HAS3: variants seen among roughly 807,000 people sequenced by gnomAD.
HAS3 encodes hyaluronan synthase 3.
A neutral mutation model predicts 50.3 loss-of-function variants in HAS3; 27 were observed. The observed-to-expected ratio is 0.54, with a 90% CI of 0.40 to 0.74. The LOEUF (loss-of-function observed/expected upper bound fraction) is 0.74, where lower values mean the gene tolerates loss of function less well. Ranked by LOEUF, HAS3 falls within the 30% of genes least tolerant of loss-of-function variation. The probability of loss-of-function intolerance (pLI) is 0.00; values close to 1 mark genes in which losing one functional copy is unlikely to be tolerated. For missense variants in HAS3, 517 were observed against 742.8 expected (o/e 0.70, Z 3.53); for synonymous variants, 339 against 310.9 (o/e 1.09, Z -0.95).
chr16:69,115,905 G>A lies in HAS3; in HGVS notation c.*639G>A. ...ACCAGCAGGGAGTTAGCACTGAACT[G>A]CTTTTAAAAGTGCACATTAAAAAGG... On this transcript the variant is annotated 3_prime_UTR_variant, in exon 4 of 4. Transcript: ENST00000569188. 1.0e-6 allele frequency: 1 copy of A among 985,836 alleles called. No homozygotes were observed. Among genetic ancestry groups the A allele is most frequent in the Non-Finnish European group, 1.2e-6 (1 of 829,958 alleles). 61.1% of individuals were successfully genotyped at this position (985,836 alleles called of 1,614,324 possible).
upstream of HAS3, among the ~76,000 whole-genome samples, chr16:69,104,701 C>T (rs568007599): frequency 6.6e-6 from 1 of 152,220 alleles, no homozygotes; most frequent in Admixed American, 6.5e-5. Context: ...TCTTCAGCCT[C>T]CCAAAGTGCT....
At chr16:69,087,906 G>A in the HAS3 span, among the ~76,000 whole-genome samples, 2 of 149,182 alleles carry the variant, frequency 1.3e-5, no homozygotes, top group African/African-American at 5.0e-5. Flanking sequence ...GTTTCGCCAT[G>A]TTAGCCAGGC....
At chr16:69,088,401 A>G in the HAS3 span, among the ~76,000 whole-genome samples, 2 of 151,994 alleles carry the variant, frequency 1.3e-5, no homozygotes, top group African/African-American at 4.8e-5. Context: ...CTCTACTAAA[A>G]ATACAAAAAT....
chr16:69,118,372 G>A, downstream of HAS3: 1 of 1,609,264 alleles, frequency 6.2e-7, no homozygotes. Context: ...GGAAAGGTAT[G>A]GCAGTAGAGG....
At chr16:69,095,159 A>AT in the HAS3 span, among the ~76,000 whole-genome samples, 1 of 151,188 alleles carries the variant, frequency 6.6e-6, no homozygotes, top group East Asian at 1.9e-4. Flanking sequence ...TTTTTTTTGT[A>AT]TTTTTAGTAG....
chr16:69,118,209 G>A (rs1303859960), downstream of HAS3: 2 of 570,678 alleles, frequency 3.5e-6, no homozygotes, highest in Non-Finnish European at 6.5e-6. Flanking sequence ...CCAGTGAAGA[G>A]GGAGTTGGAT....
At chr16:69,084,605 C>G in the HAS3 span, 1 of 152,384 alleles carries the variant, frequency 6.6e-6, no homozygotes, top group Non-Finnish European at 1.5e-5. Context: ...ATGTTTTGGC[C>G]GCTGCATTTT....
the HAS3 span, among the ~76,000 whole-genome samples, chr16:69,089,377 A>C: frequency 0.07 from 10,672 of 152,278 alleles, 487 homozygotes; most frequent in Non-Finnish European, 0.11. Context: ...GAGAGTCAGA[A>C]ACCGGAGCTG....
At chr16:69,095,963 C>T in the HAS3 span, among the ~76,000 whole-genome samples, 8 of 151,820 alleles carry the variant, frequency 5.3e-5, no homozygotes, top group African/African-American at 1.2e-4. Flanking sequence ...CGCCTGTAAT[C>T]CCAGCACTTT....
chr16:69,094,942 G>A, the HAS3 span, among the ~76,000 whole-genome samples: 1 of 141,506 alleles, frequency 7.1e-6, no homozygotes, highest in African/African-American at 2.6e-5. Context: ...CTTTTATTTT[G>A]TTCCTTCTGG....
Position 69,114,755 on chromosome 16 carries a change from T to C in HAS3, c.1151T>C (p.Val384Ala). ...CACCTCTGGATGACCTACGAGTCAG[T>C]GGTCACGGGTTTCTTCCCCTTCTTC... ...KHHLWMTYES[V>A]VTGFFPFFLI... The change falls in exon 4 of 4, where the codon GTG becomes GCG. Residue 384 changes from valine (V) to alanine (A), a missense_variant. By Grantham distance (64) the Val-to-Ala change is moderately conservative. Coordinates refer to ENST00000569188, the MANE Select transcript of HAS3 (RefSeq NM_001199280.2). The surrounding 1 kb of genome is among the most constrained non-coding windows in gnomAD (Gnocchi z 6.4). The C allele has an allele frequency of 3.1e-6, 5 of 1,614,148 alleles. No individual in the cohort carries two copies. The highest frequency in any genetic ancestry group is 4.2e-6 in the Non-Finnish European group (5 of 1,180,012).
chr16:69,107,929 G>A lies in HAS3; in HGVS notation c.1-1467G>A, dbSNP rs982365318. On this transcript the variant is annotated intron_variant, in intron 1 of 3. Transcript: ENST00000569188. The surrounding 1 kb of genome is among the most constrained non-coding windows in gnomAD (Gnocchi z 5.5). The stretch of plus-strand genomic sequence containing the variant: ...CCAACGCTGCTGGAAGGCTGCTAGT[G>A]CCGGAGTCTCAGGTCGATTTAGGCA... Among the ~76,000 whole-genome samples the A allele has an allele frequency of 6.6e-6, 1 of 152,258 alleles. No individual in the cohort carries two copies. The highest frequency in any genetic ancestry group is 2.4e-5 in the African/African-American group (1 of 41,472).
chr16:69,106,403 C>T lies in HAS3; in HGVS notation c.-1+616C>T, dbSNP rs1191272109. The T allele has an allele frequency of 1.4e-5, 2 of 148,020 alleles. No homozygotes were observed. Among genetic ancestry groups the T allele is most frequent in the African/African-American group, 2.4e-5 (1 of 40,982 alleles). 9.2% of individuals were successfully genotyped at this position (148,020 alleles called of 1,614,324 possible). Reference sequence around the variant, plus strand: ...GGCGCGCCGGGTGGCAGGGGTGCCTCTCGCCGAGCCCCCCGCACCCGGCCA... The same window carrying T: ...GGCGCGCCGGGTGGCAGGGGTGCCTTTCGCCGAGCCCCCCGCACCCGGCCA... On this transcript the variant is annotated intron_variant, in intron 1 of 3. Transcript: ENST00000569188. The surrounding 1 kb of genome is among the most constrained non-coding windows in gnomAD (Gnocchi z 5.5).
the HAS3 span, among the ~76,000 whole-genome samples, chr16:69,087,782 A>G: frequency 7.0e-6 from 1 of 143,804 alleles, no homozygotes; most frequent in South Asian, 2.2e-4. Flanking sequence ...GGCTCACTGC[A>G]GCATCCGCCT....
In HAS3 at chr16:69,117,001, C is replaced by G; in HGVS notation, c.*1735C>G. 1.0e-6 allele frequency: 1 copy of G among 985,436 alleles called. No homozygotes were observed. The highest frequency in any genetic ancestry group is 1.2e-6 in the Non-Finnish European group (1 of 829,942). The allele number at this position is 985,436 out of a possible 1,614,324, so 61.0% of individuals were successfully genotyped here. A position where few individuals can be genotyped will look rare whatever the true frequency, so the allele number is the denominator to read the frequency against. ...TGCTTTCCTTCATCTCCCACGAACT[C>G]AAGGGTTTTCCAGGTGTAGCTAACA... On this transcript the variant is annotated 3_prime_UTR_variant, in exon 4 of 4. Transcript: ENST00000569188.
chr16:69,094,089 A>G, the HAS3 span, among the ~76,000 whole-genome samples: 8 of 152,334 alleles, frequency 5.3e-5, 1 homozygote, highest in African/African-American at 1.9e-4. Context: ...AGTGGTTTGC[A>G]GAGTGGGTGT....
chr16:69,110,174 G>C (rs564643059), intron 2 of HAS3, 143 bp downstream of exon 2: 30 of 817,570 alleles, frequency 3.7e-5, no homozygotes, highest in Admixed American at 5.9e-5. Flanking sequence ...CAAGGTGGCC[G>C]GGCGCGGTGG....
the HAS3 span, among the ~76,000 whole-genome samples, chr16:69,095,142 T>C: frequency 6.6e-6 from 1 of 151,994 alleles, no homozygotes; most frequent in Non-Finnish European, 1.5e-5. Context: ...TCACCACACC[T>C]GGCTAATTTT....
At chr16:69,112,966 G>T (rs1383553097) in intron 2 of HAS3, among the ~76,000 whole-genome samples, 1 of 152,222 alleles carries the variant, frequency 6.6e-6, no homozygotes, top group African/African-American at 2.4e-5. Context: ...CTGCAAGTAG[G>T]TAGTCTGGTA....
Sources: allele counts gnomAD v4.1 joint callset (sites outside exome capture counted in the v4.1 genomes callset), GRCh38; gene constraint gnomAD v4.1.1; non-coding constraint Gnocchi (gnomAD v3.1); transcripts MANE v1.5; gene names NCBI Gene and HGNC (gene_info 2026-07-23, HGNC 2026-07-21).